COBL: variants seen among roughly 807,000 people sequenced by gnomAD.
The protein encoded by COBL is cordon-bleu WH2 repeat protein.
COBL carries 51 observed loss-of-function variants against 98.8 expected under a neutral mutation model. The ratio of observed to expected loss-of-function variants is 0.52; its 90% CI spans 0.41 to 0.65. COBL has a LOEUF of 0.65. Ranked by LOEUF, COBL falls within the 30% of genes least tolerant of loss-of-function variation. The pLI, the probability that COBL is intolerant of heterozygous loss-of-function variation, is 0.00. For synonymous variants in COBL, 634 were observed against 651.7 expected, an observed-to-expected ratio of 0.97 and a Z score of 0.41; for missense variants, 1,617 against 1,617.5, an observed-to-expected ratio of 1.00 and a Z score of 0.01.
intron 5 of COBL, among the ~76,000 whole-genome samples, chr7:51,173,156 AG>A (rs1328768076): frequency 2.0e-5 from 3 of 151,992 alleles, no homozygotes; most frequent in Middle Eastern, 3.2e-3. Flanking sequence ...CAAATTAATT[AG>A]GTTTTGAGGA....
chr7:51,063,034 G>C (rs1202100320), intron 7 of COBL, among the ~76,000 whole-genome samples: 1 of 152,236 alleles, frequency 6.6e-6, no homozygotes, highest in South Asian at 2.1e-4. Flanking sequence ...CTCTGTCAAA[G>C]GCAATACGCA....
intron 5 of COBL, among the ~76,000 whole-genome samples, chr7:51,138,037 T>A (rs1255002808): frequency 1.3e-5 from 2 of 152,212 alleles, no homozygotes; most frequent in African/African-American, 4.8e-5. Flanking sequence ...ACAGATTTTC[T>A]TGTGCTTAAA....
chr7:51,214,362 G>A (rs940218247), intron 2 of COBL, among the ~76,000 whole-genome samples: 2 of 152,166 alleles, frequency 1.3e-5, no homozygotes, highest in African/African-American at 4.8e-5. Flanking sequence ...GAGGTGATGT[G>A]CAGAGTCTGG....
At chr7:51,119,570 G>A (rs1434881584) in intron 6 of COBL, among the ~76,000 whole-genome samples, 1 of 152,142 alleles carries the variant, frequency 6.6e-6, no homozygotes, top group Non-Finnish European at 1.5e-5. Flanking sequence ...TGGGTAGTAA[G>A]TAAAGTTTTT....
intron 1 of COBL, among the ~76,000 whole-genome samples, chr7:51,269,868 C>T (rs560656999): frequency 5.9e-5 from 9 of 152,278 alleles, no homozygotes; most frequent in East Asian, 5.8e-4. Flanking sequence ...AGACTGAGGA[C>T]GTGGCAGGAG....
rs774532130 is a variant in COBL, at chr7:51,219,849, C to T, written c.137G>A (p.Gly46Glu). The T allele has an allele frequency of 1.9e-6, 3 of 1,613,830 alleles. No homozygotes were observed. In the East Asian group the frequency reaches 6.7e-5, roughly 36 times the overall value. ...CATGCGAACCAAGTTCTGCTGCGAC[C>T]CGAGGGCCCCATCGTGGGGGGGCTT... ...DQKPPHDGAL[G>E]SQQNLVRMKE... The change falls in exon 2 of 13, where the codon GGG (glycine) becomes GAG (glutamate). Residue 46 changes from glycine to glutamate, a missense_variant. Around this residue, in one of 3 missense-constraint regions of COBL, gnomAD observed 238 missense variants for 215.0 expected, o/e 1.11. Transcript: ENST00000265136.
chr7:51,258,222 T>G (rs189013636), intron 1 of COBL, among the ~76,000 whole-genome samples: 271 of 152,318 alleles, frequency 1.8e-3, no homozygotes, highest in African/African-American at 5.9e-3. Context: ...CTTTTTTTTT[T>G]GAAGAGACAA....
chr7:51,074,897 A>G (rs147417543), intron 7 of COBL, among the ~76,000 whole-genome samples: 1 of 152,376 alleles, frequency 6.6e-6, no homozygotes, highest in African/African-American at 2.4e-5. Context: ...TAATAATAAA[A>G]TGCATAATAC....
In COBL at chr7:51,263,299, C is replaced by T. The variant is rs1056305902; in HGVS notation, c.42-43355G>A. ...GGCCAGGAGGCCTGGGGAGGGCCCACGAGGTCTCACACTCATGCACTCCCA... is the reference window on the plus strand; with the variant it reads ...GGCCAGGAGGCCTGGGGAGGGCCCATGAGGTCTCACACTCATGCACTCCCA... On this transcript the variant is annotated intron_variant, in intron 1 of 12. Transcript: ENST00000265136. Among the ~76,000 whole-genome samples the T allele has an allele frequency of 2.6e-5, 4 of 152,164 alleles. No homozygotes were observed. In the East Asian group the frequency reaches 5.8e-4, roughly 22 times the overall value.
chr7:51,216,718 C>A (rs1042399293), intron 2 of COBL, among the ~76,000 whole-genome samples: 4 of 152,002 alleles, frequency 2.6e-5, no homozygotes, highest in Admixed American at 1.3e-4. Context: ...TATCAGCATC[C>A]AATTACTAAT....
At position 51,290,270 on chromosome 7, in the gene COBL, T is replaced by C. The variant is rs1448561222; in HGVS notation, c.41+26323A>G. Among the ~76,000 whole-genome samples the C allele has an allele frequency of 2.6e-5, 4 of 152,224 alleles. No homozygotes were observed. The East Asian group carries it at 5.8e-4, about 22-fold the overall frequency. On this transcript the variant is annotated intron_variant, in intron 1 of 12. Coordinates refer to ENST00000265136, the MANE Select transcript of COBL (RefSeq NM_015198.5). ...TGCTACTGGTTACCAGAGGACAATG[T>C]GTGCCATCAGCACATCTAATTTGCA...
At chr7:51,060,121 G>A (rs1213098388) in intron 7 of COBL, among the ~76,000 whole-genome samples, 3 of 152,134 alleles carry the variant, frequency 2.0e-5, no homozygotes, top group South Asian at 2.1e-4. Flanking sequence ...TCCTCCAGGT[G>A]TTTTCCAACA....
At chr7:51,035,524 C>A (rs1788553693) in intron 8 of COBL, 1 of 152,212 alleles carries the variant, frequency 6.6e-6, no homozygotes, top group African/African-American at 2.4e-5. Context: ...GTCGTATGTG[C>A]TTAACCTCCC....
chr7:51,147,042 A>G (rs562595609), intron 5 of COBL, among the ~76,000 whole-genome samples: 1 of 152,232 alleles, frequency 6.6e-6, no homozygotes, highest in Admixed American at 6.5e-5. Flanking sequence ...GGGTCCCTGC[A>G]TAGGGACAGC....
At chr7:51,103,806 C>T (rs1436463083) in intron 6 of COBL, among the ~76,000 whole-genome samples, 3 of 152,210 alleles carry the variant, frequency 2.0e-5, no homozygotes, top group Non-Finnish European at 2.9e-5. Context: ...ATCTGGCTTG[C>T]TGGAAATCTT....
chr7:51,052,724 T>C (rs900618005), intron 7 of COBL, among the ~76,000 whole-genome samples: 1 of 152,228 alleles, frequency 6.6e-6, no homozygotes, highest in Admixed American at 6.5e-5. Context: ...TTTGGGTCTA[T>C]TATGAAGCAA....
chr7:51,126,727 T>C (rs1798242637), intron 6 of COBL, among the ~76,000 whole-genome samples: 1 of 152,038 alleles, frequency 6.6e-6, no homozygotes, highest in African/African-American at 2.4e-5. Context: ...CCAAATGTCA[T>C]CTCCCAGAGG....
At chr7:51,071,929 T>C (rs1471374306) in intron 7 of COBL, 1 of 152,164 alleles carries the variant, frequency 6.6e-6, no homozygotes, top group Non-Finnish European at 1.5e-5. Context: ...AAAAGGCCCT[T>C]TCTAACTTGT....
chr7:51,038,296 C>T (rs1229002015), intron 8 of COBL, among the ~76,000 whole-genome samples: 1 of 152,182 alleles, frequency 6.6e-6, no homozygotes, highest in Non-Finnish European at 1.5e-5. Context: ...GCAGCAGCAG[C>T]GAGGCCAGTC....
Sources: gnomAD v4.1 joint callset for allele counts (sites outside exome capture counted in the v4.1 genomes callset) on GRCh38, gnomAD v4.1.1 for gene constraint, gnomAD v4.1.1 regional missense constraint, MANE v1.5 for transcripts, NCBI Gene and HGNC (gene_info 2026-07-23, HGNC 2026-07-21) for gene names.